Variants in CRIM1 observed in about 807,000 individuals in gnomAD.
CRIM1 encodes the protein cysteine-rich motor neuron 1 protein.
Under a neutral mutation model 116.4 loss-of-function variants are expected in CRIM1, and 32 were observed. The observed-to-expected ratio is 0.27, with a 90% confidence interval of 0.21 to 0.37. The LOEUF is 0.37. CRIM1 is among the 10% of genes least tolerant of loss of function. The pLI, the probability that CRIM1 is intolerant of heterozygous loss-of-function variation, is 1.00. For missense variants in CRIM1, 1,331 were observed against 1,354.8 expected, an observed-to-expected ratio of 0.98 and a Z score of 0.28; for synonymous variants, 590 against 509.2, an observed-to-expected ratio of 1.16 and a Z score of -2.13.
In CRIM1 at chr2:36,499,357, C is replaced by G. The variant is rs59890798; in HGVS notation, c.1501+10C>G. 4.6e-3 allele frequency: 7,419 copies of G among 1,612,940 alleles called. 280 individuals carry two copies. The African/African-American group carries it at 0.082, about 18-fold the overall frequency. ...TGTCAGTGCATAAACAGTGAGTAGA[C>G]AGAAGACTGTATGTTTTTTCTGAGG... On this transcript the variant is annotated intron_variant, in intron 8 of 16. Transcript: ENST00000280527.
intron 7 of CRIM1, among the ~76,000 whole-genome samples, chr2:36,488,967 A>G (rs1215996762): frequency 8.5e-5 from 13 of 152,094 alleles, no homozygotes; most frequent in Non-Finnish European, 1.9e-4. Flanking sequence ...CAGCACCAGA[A>G]CTCAAAGCAT....
intron 14 of CRIM1, among the ~76,000 whole-genome samples, chr2:36,541,052 C>T (rs904996998): frequency 6.6e-6 from 1 of 152,174 alleles, no homozygotes; most frequent in African/African-American, 2.4e-5. Context: ...TAAGCAAATA[C>T]TGCAATCAGT....
At chr2:36,375,815 A>T (rs1670277545) in intron 1 of CRIM1, among the ~76,000 whole-genome samples, 1 of 152,258 alleles carries the variant, frequency 6.6e-6, no homozygotes, top group Non-Finnish European at 1.5e-5. Context: ...TTTGAAGGTG[A>T]AATCACAGCA....
intron 5 of CRIM1, among the ~76,000 whole-genome samples, chr2:36,476,343 A>G (rs1370887088): frequency 6.6e-6 from 1 of 152,226 alleles, no homozygotes; most frequent in African/African-American, 2.4e-5. Flanking sequence ...TATAGGGATT[A>G]AGTGAGGTGA....
intron 4 of CRIM1, among the ~76,000 whole-genome samples, chr2:36,453,313 C>T (rs942450765): frequency 1.3e-5 from 2 of 152,166 alleles, no homozygotes; most frequent in Admixed American, 6.5e-5. Flanking sequence ...ATTATTCTTT[C>T]CTGACTTTGC....
chr2:36,513,357 G>A (rs1240763585), intron 10 of CRIM1, 199 bp from the exon 11 acceptor site: 1 of 555,464 alleles, frequency 1.8e-6, no homozygotes, highest in Non-Finnish European at 3.2e-6. Flanking sequence ...ACTATTTGCC[G>A]GTTTTTTTCT....
Position 36,513,581 on chromosome 2 carries a change from C to G in CRIM1, c.1806C>G (p.Pro602=). The G allele has an allele frequency of 6.2e-7, 1 of 1,614,144 alleles. No homozygotes were observed. Among genetic ancestry groups the G allele is most frequent in the Non-Finnish European group, 8.5e-7 (1 of 1,180,012 alleles). ...AGGCCTCTGCTTCAGCTGGGCCACC[C>G]ATCCTGTCGGGCACTTGTCTCACCG... ...CREASASAGP[P]ILSGTCLTVD... is the part of the protein sequence containing the mutation. Residue 602 remains proline, a synonymous_variant, in exon 11 of 17, where the codon CCC becomes CCG. Coordinates refer to ENST00000280527, the MANE Select transcript of CRIM1 (RefSeq NM_016441.3).
At chr2:36,414,136 G>A (rs112089784) in intron 2 of CRIM1, among the ~76,000 whole-genome samples, 24 of 152,232 alleles carry the variant, frequency 1.6e-4, no homozygotes, top group African/African-American at 5.3e-4. Context: ...CACTGCTGAA[G>A]GCCTTCATGC....
At chr2:36,469,625 A>T (rs1057251433) in intron 5 of CRIM1, among the ~76,000 whole-genome samples, 4 of 152,158 alleles carry the variant, frequency 2.6e-5, no homozygotes, top group African/African-American at 9.7e-5. Context: ...TAGAAAATTC[A>T]GACCTGCAGG....
chr2:36,465,508 A>G (rs1280406004), intron 5 of CRIM1, among the ~76,000 whole-genome samples: 1 of 152,256 alleles, frequency 6.6e-6, no homozygotes. Flanking sequence ...CATATCAAAT[A>G]CTTCCTGTAG....
chr2:36,416,715 G>A (rs1012584046), intron 2 of CRIM1, among the ~76,000 whole-genome samples: 16 of 152,176 alleles, frequency 1.1e-4, no homozygotes, highest in African/African-American at 4.8e-5. Flanking sequence ...TATTTGCTGT[G>A]TGCAGTTGGA....
intron 15 of CRIM1, among the ~76,000 whole-genome samples, chr2:36,546,337 A>G (rs146876237): frequency 3.3e-5 from 5 of 152,222 alleles, no homozygotes; most frequent in Non-Finnish European, 5.9e-5. Context: ...GTCATCATTC[A>G]TAAGTGCAAA....
chr2:36,548,267 CT>C (rs11318146), intron 16 of CRIM1, among the ~76,000 whole-genome samples: 9,602 of 137,746 alleles, frequency 0.07, 338 homozygotes, highest in Middle Eastern at 0.11. Flanking sequence ...TTTCACCAGT[CT>C]TTTTTTTTTT....
chr2:36,420,028 G>C (rs142924363), intron 2 of CRIM1, among the ~76,000 whole-genome samples: 2 of 152,228 alleles, frequency 1.3e-5, no homozygotes, highest in Non-Finnish European at 2.9e-5. Context: ...TCTGACTTCT[G>C]TTTCCTCTTA....
chr2:36,418,467 T>G (rs1673792665), intron 2 of CRIM1, among the ~76,000 whole-genome samples: 2 of 152,180 alleles, frequency 1.3e-5, no homozygotes, highest in African/African-American at 4.8e-5. Flanking sequence ...TTGTATTTTT[T>G]GTAAAGATGG....
At chr2:36,517,623 C>A in intron 12 of CRIM1, 81 bp downstream of exon 12, 1 of 1,399,132 alleles carries the variant, frequency 7.1e-7, no homozygotes, top group Non-Finnish European at 9.8e-7. Flanking sequence ...ACCCACAGGG[C>A]AGGATCAGCC....
At chr2:36,426,209 G>A (rs1232322134) in intron 2 of CRIM1, among the ~76,000 whole-genome samples, 1 of 152,186 alleles carries the variant, frequency 6.6e-6, no homozygotes, top group Non-Finnish European at 1.5e-5. Flanking sequence ...ACCAAGAAGA[G>A]CAATTTCTGG....
At chr2:36,410,056 T>C (rs549275411) in intron 2 of CRIM1, among the ~76,000 whole-genome samples, 1 of 152,344 alleles carries the variant, frequency 6.6e-6, no homozygotes, top group East Asian at 1.9e-4. Flanking sequence ...TCGTGGTTTC[T>C]CTTGCTAAGT....
chr2:36,454,954 T>C (rs762812696), intron 4 of CRIM1, among the ~76,000 whole-genome samples: 2 of 152,190 alleles, frequency 1.3e-5, no homozygotes, highest in South Asian at 4.1e-4. Flanking sequence ...GTTAGGAAGA[T>C]GGTGGTTCAA....
Sources: gnomAD v4.1 joint callset for allele counts (sites outside exome capture counted in the v4.1 genomes callset) on GRCh38, gnomAD v4.1.1 for gene constraint, MANE v1.5 for transcripts, NCBI Gene and HGNC (gene_info 2026-07-23, HGNC 2026-07-21) for gene names.